The following TMEM182 variants were observed in gnomAD, a reference collection of about 807,000 sequenced individuals.
TMEM182 encodes the protein transmembrane protein 182.
A neutral mutation model predicts 26.8 loss-of-function variants in TMEM182; 20 were observed. That is an observed-to-expected ratio of 0.75 (90% CI 0.53 to 1.09). The LOEUF (loss-of-function observed/expected upper bound fraction) is 1.09. Among genes scored for constraint, TMEM182 ranks in the 50% least tolerant of loss-of-function variants. TMEM182 has a pLI of 0.00. For synonymous variants in TMEM182, 109 were observed against 102.2 expected (o/e 1.07, Z -0.40); for missense variants, 277 against 275.5 (o/e 1.01, Z -0.04).
intron 3 of TMEM182, among the ~76,000 whole-genome samples, chr2:102,771,901 G>T (rs369175551): frequency 6.6e-6 from 1 of 152,144 alleles, no homozygotes; most frequent in Non-Finnish European, 1.5e-5. Flanking sequence ...AACTAAAAAT[G>T]CCTCCAGACA....
At chr2:102,759,606 A>G (rs976479511), upstream of TMEM182, among the ~76,000 whole-genome samples, 2 of 152,170 alleles carry the variant, frequency 1.3e-5, no homozygotes, top group Non-Finnish European at 2.9e-5. Flanking sequence ...ATAGAATAGC[A>G]TGTGTATTAA....
chr2:102,774,780 A>G (rs1371661537), intron 3 of TMEM182, among the ~76,000 whole-genome samples: 4 of 152,194 alleles, frequency 2.6e-5, no homozygotes, highest in African/African-American at 9.6e-5. Context: ...TATGGGACTA[A>G]TTTTTAGATT....
At chr2:102,805,098 ATAT>A (rs1682296759) in intron 4 of TMEM182, among the ~76,000 whole-genome samples, 1 of 152,232 alleles carries the variant, frequency 6.6e-6, no homozygotes, top group Admixed American at 6.5e-5. Flanking sequence ...GCCTTGCTTA[ATAT>A]TATATAGAAA....
At chr2:102,811,412 A>C (rs1682551934) in intron 4 of TMEM182, among the ~76,000 whole-genome samples, 1 of 152,238 alleles carries the variant, frequency 6.6e-6, no homozygotes, top group South Asian at 2.1e-4. Flanking sequence ...GTATGAGGTT[A>C]CTATTTTCTC....
At chr2:102,822,086 A>G (rs1180403030), downstream of TMEM182, among the ~76,000 whole-genome samples, 2 of 152,228 alleles carry the variant, frequency 1.3e-5, no homozygotes, top group East Asian at 3.8e-4. Flanking sequence ...ACAGGCATCA[A>G]AACATCAAGT....
chr2:102,764,475 C>T (rs760238197), intron 3 of TMEM182, 48 bp downstream of exon 3: 13 of 1,504,422 alleles, frequency 8.6e-6, no homozygotes, highest in Non-Finnish European at 1.2e-5. Flanking sequence ...TCTTATCTTT[C>T]TGAAGGATGC....
intron 3 of TMEM182, among the ~76,000 whole-genome samples, chr2:102,833,355 A>G (rs1457174811): frequency 6.6e-6 from 1 of 152,186 alleles, no homozygotes; most frequent in Non-Finnish European, 1.5e-5. Flanking sequence ...ACCAGATCCA[A>G]TTGCAGTTCT....
At chr2:102,803,922 G>GCCGTCCACACCTGCAGGCACATA (rs1682248427) in intron 4 of TMEM182, among the ~76,000 whole-genome samples, 5 of 151,654 alleles carry the variant, frequency 3.3e-5, no homozygotes, top group African/African-American at 1.2e-4. Flanking sequence ...GCAGGCACAT[G>GCCGTCCACACCTGCAGGCACATA]CAGCTCTGCC....
At chr2:102,806,362 A>G (rs924907178) in intron 4 of TMEM182, among the ~76,000 whole-genome samples, 2 of 152,178 alleles carry the variant, frequency 1.3e-5, no homozygotes, top group East Asian at 1.9e-4. Context: ...ATTGTCCTCA[A>G]TACGAACGAG....
intron 1 of TMEM182, among the ~76,000 whole-genome samples, chr2:102,745,739 T>C (rs934516290): frequency 3.9e-5 from 6 of 152,192 alleles, no homozygotes. Context: ...ATACAATAGA[T>C]ATTACTTTGT....
intron 3 of TMEM182, among the ~76,000 whole-genome samples, chr2:102,825,933 C>T (rs1017023045): frequency 6.6e-6 from 1 of 152,206 alleles, no homozygotes. Flanking sequence ...CAACTGGTTT[C>T]TTCCTAATAG....
chr2:102,758,123 A>G (rs969008427), upstream of TMEM182, among the ~76,000 whole-genome samples: 2 of 152,202 alleles, frequency 1.3e-5, no homozygotes, highest in Non-Finnish European at 2.9e-5. Context: ...TAAGGAATAG[A>G]TACATAGACT....
intron 3 of TMEM182, among the ~76,000 whole-genome samples, chr2:102,837,136 C>A (rs1683260154): frequency 2.0e-5 from 3 of 152,106 alleles, no homozygotes; most frequent in Admixed American, 2.0e-4. Flanking sequence ...TGTGGTGTTT[C>A]TAATTTCTTC....
intron 3 of TMEM182, among the ~76,000 whole-genome samples, chr2:102,835,872 G>A (rs1407919678): frequency 2.6e-5 from 3 of 114,766 alleles, no homozygotes; most frequent in African/African-American, 7.1e-5. Flanking sequence ...AACAGGCCCC[G>A]GTGTGTGATG....
chr2:102,820,717 G>T (rs1682900916), downstream of TMEM182, among the ~76,000 whole-genome samples: 1 of 152,220 alleles, frequency 6.6e-6, no homozygotes, highest in Non-Finnish European at 1.5e-5. Context: ...AGCTTGTGTG[G>T]CTGGCCATTG....
rs1682796072 is a variant in TMEM182, at chr2:102,817,491, T to C, written c.*2523T>C. The C allele has an allele frequency of 6.1e-6, 6 of 985,164 alleles. No homozygotes were observed. The highest frequency in any genetic ancestry group is 1.7e-5 in the African/African-American group (1 of 57,194). 61.0% of individuals were successfully genotyped at this position (985,164 alleles called of 1,614,324 possible). A position where few individuals can be genotyped will look rare whatever the true frequency, so the allele number is the denominator to read the frequency against. On this transcript the variant is annotated 3_prime_UTR_variant, in exon 5 of 5. Coordinates refer to ENST00000412401, the MANE Select transcript of TMEM182 (RefSeq NM_144632.5). ...GTGGATGATTGCACATACATTGGAA[T>C]TGGCTGGAGAGACTACACAGAGAAG...
chr2:102,752,872 G>A (rs1008262081), intron 1 of TMEM182, among the ~76,000 whole-genome samples: 22 of 152,192 alleles, frequency 1.4e-4, no homozygotes, highest in Non-Finnish European at 2.8e-4. Flanking sequence ...AATGTGCAGA[G>A]CACTTTTATA....
downstream of TMEM182, among the ~76,000 whole-genome samples, chr2:102,818,574 C>T (rs1380430786): frequency 1.3e-5 from 2 of 152,116 alleles, no homozygotes. Flanking sequence ...TCTGGAACGA[C>T]AATGGAGATG....
At chr2:102,824,454 G>A (rs1682992117) in intron 3 of TMEM182, among the ~76,000 whole-genome samples, 1 of 152,118 alleles carries the variant, frequency 6.6e-6, no homozygotes, top group African/African-American at 2.4e-5. Context: ...ATGATAGTGA[G>A]TTCTCTCAAG....
Sources: gnomAD v4.1 joint callset for allele counts (sites outside exome capture counted in the v4.1 genomes callset) on GRCh38, gnomAD v4.1.1 for gene constraint, MANE v1.5 for transcripts, NCBI Gene and HGNC (gene_info 2026-07-23, HGNC 2026-07-21) for gene names.